The following CCP110 variants were observed in gnomAD, a reference collection of about 807,000 sequenced individuals.
CCP110 encodes the protein centriolar coiled-coil protein of 110 kDa.
Under a neutral mutation model 105.5 loss-of-function variants are expected in CCP110, and 43 were observed. That is an observed-to-expected ratio of 0.41 (90% CI 0.32 to 0.53). CCP110 has a LOEUF of 0.53. Ranked by LOEUF, CCP110 falls within the 20% of genes least tolerant of loss-of-function variation. The probability of loss-of-function intolerance (pLI) is 0.32; values close to 1 mark genes in which losing one functional copy is unlikely to be tolerated. For synonymous variants in CCP110, 353 were observed against 392.1 expected, an observed-to-expected ratio of 0.90 and a Z score of 1.18; for missense variants, 1,016 against 1,189.1, an observed-to-expected ratio of 0.85 and a Z score of 2.14.
exon 4 of CCP110, chr16:19,537,122 A>C: frequency 6.2e-7 from 1 of 1,614,212 alleles, no homozygotes; most frequent in Non-Finnish European, 8.5e-7. Context: ...AGGTCAGTTA[A>C]CATCCGATGA....
rs1970298859 is a variant in CCP110 at position 19,541,883 on chromosome 16, A to G, written c.2050-4A>G. On this transcript the variant is annotated splice_region_variant and splice_polypyrimidine_tract_variant and intron_variant, in intron 5 of 14. Transcript: ENST00000381396. Reference sequence around the variant, plus strand: ...GCATGTTACAATAAACTGTTCATGTATAGGAAATAGAAGAGCAGGAGAAAA... The same window carrying G: ...GCATGTTACAATAAACTGTTCATGTGTAGGAAATAGAAGAGCAGGAGAAAA... The G allele has an allele frequency of 6.4e-7, 1 of 1,563,504 alleles. No homozygotes were observed. The highest frequency in any genetic ancestry group is 1.2e-5 in the South Asian group (1 of 83,622).
At position 19,547,941 on chromosome 16, in the gene CCP110, T is replaced by G; in HGVS notation, c.2841-14T>G. The G allele has an allele frequency of 6.3e-7, 1 of 1,588,412 alleles. No individual in the cohort carries two copies. Among genetic ancestry groups the G allele is most frequent in the Non-Finnish European group, 8.6e-7 (1 of 1,157,196 alleles). On this transcript the variant is annotated splice_polypyrimidine_tract_variant and intron_variant, in intron 12 of 14. Transcript: ENST00000381396. Reference sequence around the variant, plus strand: ...TAACCTATTAAATTAATTTTTCATTTAATTTGTCAACAGAGTCCTTCAGCC... The same window carrying G: ...TAACCTATTAAATTAATTTTTCATTGAATTTGTCAACAGAGTCCTTCAGCC...
chr16:19,547,348 G>A (rs1231052450), intron 12 of CCP110: 1 of 152,362 alleles, frequency 6.6e-6, no homozygotes, highest in Non-Finnish European at 1.5e-5. Flanking sequence ...GGGAGGCGGA[G>A]GTTGCAGTGA....
chr16:19,540,893 TTAAGG>T (rs1174723900), intron 5 of CCP110, 106 bp downstream of exon 5: 1 of 849,350 alleles, frequency 1.2e-6, no homozygotes, highest in Non-Finnish European at 1.8e-6. Flanking sequence ...TCCATATATC[TTAAGG>T]TAAGGGAGTC....
exon 4 of CCP110, chr16:19,536,332 A>G: frequency 6.2e-7 from 1 of 1,613,008 alleles, no homozygotes; most frequent in Non-Finnish European, 8.5e-7. Context: ...AAGTCATCCC[A>G]GATCCCTATG....
At chr16:19,526,327 T>A (rs1017170540) in intron 1 of CCP110, 2 of 152,206 alleles carry the variant, frequency 1.3e-5, no homozygotes, top group African/African-American at 4.8e-5. Flanking sequence ...GTATAATCTA[T>A]TTACATTCTG....
chr16:19,532,937 A>G (rs1411094098), intron 3 of CCP110, among the ~76,000 whole-genome samples: 1 of 152,206 alleles, frequency 6.6e-6, no homozygotes, highest in Non-Finnish European at 1.5e-5. Flanking sequence ...AACTGCCTCC[A>G]ATTTTTTTTT....
chr16:19,532,105 T>C (rs1830476771), intron 2 of CCP110, among the ~76,000 whole-genome samples: 2 of 152,242 alleles, frequency 1.3e-5, no homozygotes, highest in Admixed American at 6.5e-5. Context: ...GTGAACAAAC[T>C]TTTTTCTTTT....
At chr16:19,551,089 T>C (rs1217560201) in intron 14 of CCP110, 107 bp from the exon 14 acceptor site, 1 of 724,976 alleles carries the variant, frequency 1.4e-6, no homozygotes, top group East Asian at 2.5e-5. Context: ...AATATGATAA[T>C]GTATATTGCC....
intron 2 of CCP110, among the ~76,000 whole-genome samples, chr16:19,530,238 CCAGAGCTATTGT>C (rs1192517008): frequency 5.9e-5 from 9 of 152,006 alleles, no homozygotes; most frequent in Non-Finnish European, 7.4e-5. Context: ...TTTAAAGAGA[CCAGAGCTATTGT>C]CTTGTAGAAT....
intron 2 of CCP110, 57 bp downstream of exon 2, chr16:19,528,079 C>T (rs757142274): frequency 5.7e-6 from 8 of 1,396,484 alleles, no homozygotes; most frequent in African/African-American, 1.5e-5. Flanking sequence ...TAAAACAGTT[C>T]GTGGAAAAAC....
chr16:19,531,301 G>A (rs1391159264), intron 2 of CCP110, among the ~76,000 whole-genome samples: 1 of 152,146 alleles, frequency 6.6e-6, no homozygotes, highest in Non-Finnish European at 1.5e-5. Flanking sequence ...ACACTTTTAT[G>A]TTGTATTTGA....
intron 10 of CCP110, 37 bp downstream of exon 10, chr16:19,545,247 G>A (rs1353152952): frequency 1.7e-6 from 2 of 1,211,830 alleles, no homozygotes; most frequent in South Asian, 1.3e-5. Context: ...GAGTTCTTCT[G>A]GGTTTAGGGT....
chr16:19,545,694 T>A, intron 10 of CCP110, 123 bp from the exon 11 acceptor site: 1 of 639,002 alleles, frequency 1.6e-6, no homozygotes, highest in Non-Finnish European at 2.8e-6. Context: ...ACAAGATGAT[T>A]TAACTAAATT....
At chr16:19,528,173 A>C (rs1969740637) in intron 2 of CCP110, 151 bp downstream of exon 2, 2 of 650,570 alleles carry the variant, frequency 3.1e-6, no homozygotes. Flanking sequence ...TTTACTTACT[A>C]TTATAGATTG....
In CCP110 at chr16:19,546,455, C is replaced by T; in HGVS notation, c.2821C>T (p.Gln941Ter). ...GCCAAATAAGAAATTTCTGGTTAAA[C>T]AAAATCCTTCTGAAACAAGGTGAGA... Residue 941 changes from glutamine to a stop codon, truncating the protein, a stop_gained, in exon 12 of 15, where the codon CAA becomes TAA. Coordinates refer to ENST00000381396, the Ensembl canonical transcript of CCP110. LOFTEE classifies it high-confidence loss of function. 6.3e-7 allele frequency: 1 copy of T among 1,587,110 alleles called. No individual in the cohort carries two copies. Among genetic ancestry groups the T allele is most frequent in the Non-Finnish European group, 8.6e-7 (1 of 1,156,186 alleles).
intron 8 of CCP110, among the ~76,000 whole-genome samples, chr16:19,544,307 A>C (rs1170060699): frequency 1.3e-5 from 2 of 152,178 alleles, no homozygotes; most frequent in African/African-American, 4.8e-5. Context: ...TGTGTTTTTG[A>C]CTTGCTTGAA....
intron 4 of CCP110, 79 bp downstream of exon 4, chr16:19,537,666 A>G: frequency 1.2e-6 from 1 of 806,838 alleles, no homozygotes; most frequent in Non-Finnish European, 1.9e-6. Flanking sequence ...TTTTTGGGAA[A>G]AAAGTGGTCT....
exon 9 of CCP110, chr16:19,544,885 G>C (rs772999597): frequency 1.9e-6 from 3 of 1,571,718 alleles, no homozygotes; most frequent in Non-Finnish European, 2.6e-6. Flanking sequence ...CTTCAGGAAA[G>C]AGTGTTAGCT....
Sources: gnomAD v4.1 joint callset for allele counts (sites outside exome capture counted in the v4.1 genomes callset) on GRCh38, gnomAD v4.1.1 for gene constraint, MANE v1.5 for transcripts, NCBI Gene and HGNC (gene_info 2026-07-23, HGNC 2026-07-21) for gene names.